The following XKR4 variants were observed in gnomAD, a reference collection of about 807,000 sequenced individuals.
The protein encoded by XKR4 is XK-related protein 4.
A neutral mutation model predicts 53.9 loss-of-function variants in XKR4; 12 were observed. The observed-to-expected ratio is 0.22, with a 90% CI of 0.14 to 0.36. The LOEUF is 0.36. XKR4 is among the 10% of genes least tolerant of loss of function. XKR4 has a pLI of 1.00. For synonymous variants in XKR4, 354 were observed against 362.4 expected (o/e 0.98, Z 0.26); for missense variants, 799 against 859.5 (o/e 0.93, Z 0.88).
chr8:55,351,509 C>T (rs1284073502), intron 1 of XKR4, among the ~76,000 whole-genome samples: 1 of 152,182 alleles, frequency 6.6e-6, no homozygotes, highest in Non-Finnish European at 1.5e-5. Flanking sequence ...ACATAGCCTT[C>T]TCCCAGAAAA....
intron 2 of XKR4, among the ~76,000 whole-genome samples, chr8:55,375,841 A>G (rs559440193): frequency 2.6e-5 from 4 of 151,892 alleles, no homozygotes; most frequent in Non-Finnish European, 5.9e-5. Flanking sequence ...CTAGGTATTA[A>G]GCCCCGCATG....
chr8:55,214,272 T>A (rs1338070184), intron 1 of XKR4, among the ~76,000 whole-genome samples: 1 of 152,222 alleles, frequency 6.6e-6, no homozygotes, highest in African/African-American at 2.4e-5. Context: ...GTATGCATAT[T>A]GTGAATAAAA....
chr8:55,137,623 G>A (rs191522437), intron 1 of XKR4, among the ~76,000 whole-genome samples: 31 of 148,492 alleles, frequency 2.1e-4, no homozygotes, highest in African/African-American at 7.0e-4. Context: ...TGCCCAGGCT[G>A]GAGTGCAGTG....
intron 1 of XKR4, among the ~76,000 whole-genome samples, chr8:55,322,463 A>T (rs759879481): frequency 2.6e-5 from 4 of 152,242 alleles, no homozygotes; most frequent in African/African-American, 4.8e-5. Flanking sequence ...CATCTCTTAC[A>T]AATGTTCAAA....
intron 1 of XKR4, among the ~76,000 whole-genome samples, chr8:55,257,902 T>C (rs1818463258): frequency 6.6e-6 from 1 of 152,174 alleles, no homozygotes; most frequent in East Asian, 1.9e-4. Context: ...TCCTCTGAGG[T>C]TGCCTTTCTG....
intron 2 of XKR4, among the ~76,000 whole-genome samples, chr8:55,522,721 C>T (rs911993734): frequency 6.6e-6 from 1 of 152,246 alleles, no homozygotes; most frequent in African/African-American, 2.4e-5. Context: ...AAGCAACAAC[C>T]CAGTTCTGAC....
At chr8:55,289,658 G>GAAGGAAGA (rs1818966673) in intron 1 of XKR4, among the ~76,000 whole-genome samples, 1 of 60,242 alleles carries the variant, frequency 1.7e-5, no homozygotes, top group African/African-American at 6.1e-5. Context: ...AGGAAGGAAG[G>GAAGGAAGA]AAAAGAAAAG....
At chr8:55,449,593 A>G (rs946577994) in intron 2 of XKR4, 1 of 1,259,244 alleles carries the variant, frequency 7.9e-7, no homozygotes, top group African/African-American at 1.5e-5. Flanking sequence ...CGTAAACGCG[A>G]GGAGTTGTCT....
chr8:55,237,523 G>A (rs1454077021), intron 1 of XKR4, among the ~76,000 whole-genome samples: 2 of 152,164 alleles, frequency 1.3e-5, no homozygotes, highest in African/African-American at 2.4e-5. Context: ...ATCTTGAGAA[G>A]GTGAAGGAAG....
At chr8:55,442,083 G>A (rs1805277679) in intron 2 of XKR4, among the ~76,000 whole-genome samples, 2 of 151,800 alleles carry the variant, frequency 1.3e-5, no homozygotes, top group African/African-American at 4.8e-5. Flanking sequence ...ATAACAAATT[G>A]ATCAATACCT....
chr8:55,145,847 G>T (rs548233998), intron 1 of XKR4, among the ~76,000 whole-genome samples: 28 of 152,158 alleles, frequency 1.8e-4, no homozygotes, highest in African/African-American at 6.0e-4. Context: ...ATAGCAGCCC[G>T]CCAGTTCACT....
At chr8:55,463,446 T>C (rs1429282891) in intron 2 of XKR4, among the ~76,000 whole-genome samples, 4 of 151,150 alleles carry the variant, frequency 2.6e-5, no homozygotes, top group South Asian at 2.1e-4. Context: ...AGACACAACA[T>C]ACCAGAATCT....
In XKR4 at chr8:55,423,100, C is replaced by CTT. The variant is rs369306739; in HGVS notation, c.1006+65235_1006+65236dup. Reference sequence around the variant, plus strand: ...GTTATCGTAAAGCCAAATCTTGACACTTTTTTTTTTTTTGAGACAAAGTCT... The same window carrying CTT: ...GTTATCGTAAAGCCAAATCTTGACACTTTTTTTTTTTTTTTGAGACAAAGTCT... On this transcript the variant is annotated intron_variant, in intron 2 of 2. Transcript: ENST00000327381. Among the ~76,000 whole-genome samples the CTT allele has an allele frequency of 2.2e-3, 322 of 146,960 alleles. 3 individuals are homozygous for CTT. Among genetic ancestry groups the CTT allele is most frequent in the African/African-American group, 7.4e-3 (298 of 40,396 alleles).
rs111695474 is a variant in XKR4 at position 55,486,395 on chromosome 8, T to C, written c.1007-36886T>C. Among the ~76,000 whole-genome samples the C allele has an allele frequency of 4.6e-3, 696 of 152,298 alleles. 6 individuals are homozygous for C. Among genetic ancestry groups the C allele is most frequent in the Middle Eastern group, 0.027 (8 of 294 alleles). On this transcript the variant is annotated intron_variant, in intron 2 of 2. Transcript: ENST00000327381. The stretch of plus-strand genomic sequence containing the variant: ...AAGATCTCTACATTTATTGAGGAAG[T>C]TTTAATGTTCTTATATACAAAGTCA...
At chr8:55,360,864 T>A (rs1021863194) in intron 2 of XKR4, among the ~76,000 whole-genome samples, 2 of 152,244 alleles carry the variant, frequency 1.3e-5, no homozygotes, top group African/African-American at 4.8e-5. Context: ...CCTTATGTAG[T>A]CACTCAGTCA....
At chr8:55,328,987 G>A (rs184504231) in intron 1 of XKR4, among the ~76,000 whole-genome samples, 1 of 152,096 alleles carries the variant, frequency 6.6e-6, no homozygotes, top group Non-Finnish European at 1.5e-5. Context: ...TGGCACAAGG[G>A]TCCCTGATTC....
intron 1 of XKR4, among the ~76,000 whole-genome samples, chr8:55,188,606 A>G (rs1335038516): frequency 6.6e-6 from 1 of 152,206 alleles, no homozygotes; most frequent in Non-Finnish European, 1.5e-5. Context: ...TGAATTCCTG[A>G]TATTAACCAA....
intron 1 of XKR4, among the ~76,000 whole-genome samples, chr8:55,320,548 T>A (rs546789433): frequency 2.6e-5 from 4 of 152,216 alleles, no homozygotes; most frequent in Non-Finnish European, 5.9e-5. Flanking sequence ...GTATTTGGCC[T>A]TCTTTTCACA....
chr8:55,389,124 C>T (rs969374890), intron 2 of XKR4, among the ~76,000 whole-genome samples: 2 of 152,180 alleles, frequency 1.3e-5, no homozygotes, highest in Non-Finnish European at 2.9e-5. Flanking sequence ...TCGCTGCCAC[C>T]AGCTAGGGAA....
Sources: gnomAD v4.1 joint callset for allele counts (sites outside exome capture counted in the v4.1 genomes callset) on GRCh38, gnomAD v4.1.1 for gene constraint, MANE v1.5 for transcripts, NCBI Gene and HGNC (gene_info 2026-07-23, HGNC 2026-07-21) for gene names.